The following RYR1 variants were observed in gnomAD, a reference collection of about 807,000 sequenced individuals.
RYR1 encodes central core disease of muscle.
In RYR1, 342 loss-of-function variants were observed where a neutral mutation model predicts 583.5. The observed-to-expected ratio is 0.59, with a 90% CI of 0.54 to 0.64. The LOEUF (loss-of-function observed/expected upper bound fraction) is 0.64. Ranked by LOEUF, RYR1 falls within the 30% of genes least tolerant of loss-of-function variation. The pLI, the probability that RYR1 is intolerant of heterozygous loss-of-function variation, is 0.00. For missense variants in RYR1, 6,032 were observed against 6,917.2 expected (o/e 0.87, Z 4.54); for synonymous variants, 2,791 against 2,822.5 (o/e 0.99, Z 0.35).
At position 38,452,765 on chromosome 19, in the gene RYR1, C is replaced by G. The variant is rs1393705624; in HGVS notation, c.1245-54C>G. ...TGCGGGAGTGAGGTTGCGGCAGTGA[C>G]GTTGCGGCAGTTAGCGCTCCCAGCC... On this transcript the variant is annotated intron_variant, in intron 12 of 105. Coordinates refer to ENST00000359596, the MANE Select transcript of RYR1 (RefSeq NM_000540.3). 5 of 1,496,634 alleles carry G rather than the reference C, an allele frequency of 3.3e-6. No individual in the cohort carries two copies. The East Asian group carries it at 7.4e-5, about 22-fold the overall frequency. 92.7% of individuals were successfully genotyped at this position (1,496,634 alleles called of 1,614,324 possible). A position where few individuals can be genotyped will look rare whatever the true frequency, so the allele number is the denominator to read the frequency against.
chr19:38,467,856 C>G (rs774712212), intron 25 of RYR1, 44 bp downstream of exon 25: 1 of 1,588,440 alleles, frequency 6.3e-7, no homozygotes, highest in East Asian at 2.2e-5. Context: ...CCTGTGGTCT[C>G]TCCCACAGCT....
chr19:38,578,710 G>T (rs1974067106), intron 99 of RYR1, among the ~76,000 whole-genome samples: 1 of 152,136 alleles, frequency 6.6e-6, no homozygotes, highest in South Asian at 2.1e-4. Context: ...AGAATGGCTT[G>T]AATCCAGGAG....
chr19:38,567,468 A>G (rs1188968412), intron 92 of RYR1, among the ~76,000 whole-genome samples: 1 of 152,112 alleles, frequency 6.6e-6, no homozygotes, highest in East Asian at 1.9e-4. Flanking sequence ...ATTCTCCAGG[A>G]CACCTGACCC....
rs1307683794 is a variant in RYR1, at chr19:38,519,154, G to A, written c.10019-60G>A. ...GCTGTTTGGGAGTCGGGCTGGGAACGGAGTTTGGGGCCTGTGTCAGAGGCC... is the reference window on the plus strand; with the variant it reads ...GCTGTTTGGGAGTCGGGCTGGGAACAGAGTTTGGGGCCTGTGTCAGAGGCC... On this transcript the variant is annotated intron_variant, in intron 66 of 105. Transcript: ENST00000359596. 4.7e-5 allele frequency: 76 copies of A among 1,612,838 alleles called. 1 individual carries two copies. The Middle Eastern group carries it at 6.6e-4, about 14-fold the overall frequency.
Position 38,528,618 on chromosome 19 carries a change from T to A in RYR1, c.10957T>A (p.Phe3653Ile). Residue 3653 changes from phenylalanine to isoleucine, a missense_variant, in exon 75 of 106, where the codon TTC (phenylalanine) becomes ATC (isoleucine). By Grantham distance (21) the Phe-to-Ile change is conservative. This residue lies in a region of RYR1 where 1,493 missense variants were observed against 1,715.5 expected (regional missense o/e 0.87). Transcript: ENST00000359596. ...NLPTHRACNM[F>I]LESYKAAWIL... ...CTGCAGGCACCGGGCATGTAACATGTTCCTGGAGAGCTACAAGGCTGCATG... is the reference window on the plus strand; with the variant it reads ...CTGCAGGCACCGGGCATGTAACATGATCCTGGAGAGCTACAAGGCTGCATG... The A allele has an allele frequency of 1.2e-6, 2 of 1,614,150 alleles. No individual in the cohort carries two copies. Among genetic ancestry groups the A allele is most frequent in the African/African-American group, 1.3e-5 (1 of 75,030 alleles).
intron 60 of RYR1, 117 bp downstream of exon 60, chr19:38,510,898 C>T (rs1162420149): frequency 4.1e-6 from 6 of 1,461,210 alleles, no homozygotes; most frequent in South Asian, 2.4e-5. Flanking sequence ...CCTGCAAAGG[C>T]GATTGAAGGG....
rs1969816019 is a variant in RYR1 at position 38,496,223 on chromosome 19, T to C, written c.6557T>C (p.Met2186Thr). The C allele has an allele frequency of 1.2e-6, 2 of 1,613,522 alleles. No homozygotes were observed. Among genetic ancestry groups the C allele is most frequent in the South Asian group, 2.2e-5 (2 of 91,082 alleles). Residue 2186 changes from methionine (M) to threonine (T), a missense_variant, in exon 40 of 106, where the codon ATG (methionine) becomes ACG (threonine). Transcript: ENST00000359596. This position sits in a 1 kb window ranked among gnomAD's most constrained non-coding sequence, Gnocchi z 4.8. Reference protein sequence around the residue: ...NLMIQSIGNIMNNKVFYQHPN... With the variant: ...NLMIQSIGNITNNKVFYQHPN... ...ACTCTGCCCGTGCACAGGAACATCA[T>C]GAACAACAAAGTCTTCTACCAACAC...
chr19:38,504,347 C>T lies in RYR1; in HGVS notation c.8054C>T (p.Ser2685Phe), dbSNP rs781126470. The change falls in exon 50 of 106, where the codon TCT (serine) becomes TTT (phenylalanine). Residue 2685 changes from serine (S) to phenylalanine (F), a missense_variant. Physicochemically the swap from Ser to Phe is radical, Grantham distance 155 (BLOSUM62 -2). Transcript: ENST00000359596. Reference protein sequence around the residue: ...TRKLFWGIFDSLAHKKYDPEL... With the variant: ...TRKLFWGIFDFLAHKKYDPEL... Reference sequence around the variant, plus strand: ...AAACTCTTCTGGGGCATCTTTGACTCTCTGGCCCATAAGGTCTGGGCAGCA... The same window carrying T: ...AAACTCTTCTGGGGCATCTTTGACTTTCTGGCCCATAAGGTCTGGGCAGCA... 2.5e-6 allele frequency: 4 copies of T among 1,614,148 alleles called. No individual in the cohort carries two copies. Among genetic ancestry groups the T allele is most frequent in the South Asian group, 1.1e-5 (1 of 91,074 alleles).
At chr19:38,502,828 C>T (rs907621960) in intron 48 of RYR1, 52 bp from the exon 49 acceptor site, 12 of 1,535,384 alleles carry the variant, frequency 7.8e-6, no homozygotes, top group South Asian at 3.6e-5. Flanking sequence ...GGGGCAGGGG[C>T]AGCAGAGCGG....
chr19:38,520,672 G>GC (rs1971185518), intron 67 of RYR1, among the ~76,000 whole-genome samples: 1 of 116,234 alleles, frequency 8.6e-6, no homozygotes, highest in Non-Finnish European at 1.6e-5. Flanking sequence ...TCCAGCCTAG[G>GC]AACAGAGCGA....
Position 38,496,660 on chromosome 19 carries a change from CT to C in RYR1, c.6796+120del, listed in dbSNP as rs1421558948. 2.2e-6 allele frequency: 3 copies of C among 1,357,688 alleles called. No homozygotes were observed. In the Admixed American group the frequency reaches 5.4e-5, roughly 24 times the overall value. 84.1% of individuals were successfully genotyped at this position (1,357,688 alleles called of 1,614,324 possible). On this transcript the variant is annotated intron_variant, in intron 41 of 105. Coordinates refer to ENST00000359596, the MANE Select transcript of RYR1 (RefSeq NM_000540.3). This position sits in a 1 kb window ranked among gnomAD's most constrained non-coding sequence, Gnocchi z 4.8. ...CAAACACTCCCTCTCAACTGTGGTTCTGGCCCTGTAATGAGTAATGCTGGGG... is the reference window on the plus strand; with the variant it reads ...CAAACACTCCCTCTCAACTGTGGTTCGGCCCTGTAATGAGTAATGCTGGGG...
Position 38,468,958 on chromosome 19 carries a change from C to A in RYR1, c.3382-8C>A. The A allele has an allele frequency of 1.2e-6, 2 of 1,614,094 alleles. No homozygotes were observed. The highest frequency in any genetic ancestry group is 1.7e-6 in the Non-Finnish European group (2 of 1,180,004). ...CCCACACCATGTCTTCTCTGGCTGT[C>A]CTCACAGGGCCAGCGCTGGCACTTG... On this transcript the variant is annotated splice_region_variant and splice_polypyrimidine_tract_variant and intron_variant, in intron 25 of 105. Coordinates refer to ENST00000359596, the MANE Select transcript of RYR1 (RefSeq NM_000540.3).
At chr19:38,469,936 A>G (rs938665400) in intron 27 of RYR1, among the ~76,000 whole-genome samples, 1 of 152,074 alleles carries the variant, frequency 6.6e-6, no homozygotes, top group African/African-American at 2.4e-5. Flanking sequence ...CAAGGTGTGT[A>G]GTATGCACAT....
chr19:38,562,219 A>G (rs888424746), intron 90 of RYR1, among the ~76,000 whole-genome samples: 2 of 151,570 alleles, frequency 1.3e-5, no homozygotes, highest in Admixed American at 1.3e-4. Flanking sequence ...CCTCAGACCT[A>G]CTCTCTAATC....
At chr19:38,492,695 G>T in intron 38 of RYR1, 59 bp downstream of exon 38, 1 of 1,530,426 alleles carries the variant, frequency 6.5e-7, no homozygotes, top group African/African-American at 1.4e-5. Context: ...CCATGCCTGC[G>T]GAGCCTCTGG....
chr19:38,502,901 G>A lies in RYR1; in HGVS notation c.7857G>A (p.Leu2619=), dbSNP rs547048377. 14 of 1,611,710 alleles carry A rather than the reference G, an allele frequency of 8.7e-6. No individual in the cohort carries two copies. The highest frequency in any genetic ancestry group is 6.7e-5 in the East Asian group (3 of 44,864). ...GCAGGTACATCCGCCCGTCGATGCT[G>A]CAGCACCTGTTGCGCCGCCTGGTGT... ...SLCRYIRPSM[L]QHLLRRLVFD... is the part of the protein sequence containing the mutation. The change falls in exon 49 of 106, where the codon CTG becomes CTA. Residue 2619 remains leucine, a synonymous_variant. Transcript: ENST00000359596.
Position 38,444,708 on chromosome 19 carries a change from GAT to G in RYR1, c.631+32_631+33del. 6.7e-7 allele frequency: 1 copy of G among 1,499,944 alleles called. No homozygotes were observed. The highest frequency in any genetic ancestry group is 9.0e-7 in the Non-Finnish European group (1 of 1,105,878). The allele number at this position is 1,499,944 out of a possible 1,614,324, so 92.9% of individuals were successfully genotyped here. A position where few individuals can be genotyped will look rare whatever the true frequency, so the allele number is the denominator to read the frequency against. ...GGCCCCAGACCTCCCCCTAAATGGA[GAT>G]CCCCCCAAAACAGACCCTTAATGTT... On this transcript the variant is annotated intron_variant, in intron 7 of 105. Transcript: ENST00000359596. The surrounding 1 kb of genome is among the most constrained non-coding windows in gnomAD (Gnocchi z 5.1).
rs1974465059 is a variant in RYR1, at chr19:38,585,925, C to T, written c.14804-13C>T. The T allele has an allele frequency of 6.2e-7, 1 of 1,613,844 alleles. No homozygotes were observed. The highest frequency in any genetic ancestry group is 8.5e-7 in the Non-Finnish European group (1 of 1,180,012). ...TCAGAGGTCGGGCACTGACTTGTGT[C>T]CTGCCACCCCAGGTCTGATCATCGA... On this transcript the variant is annotated splice_polypyrimidine_tract_variant and intron_variant, in intron 102 of 105. Transcript: ENST00000359596.
intron 12 of RYR1, 26 bp downstream of exon 12, chr19:38,451,911 G>A: frequency 3.7e-6 from 6 of 1,613,908 alleles, no homozygotes; most frequent in Non-Finnish European, 5.1e-6. Flanking sequence ...TCCCTGCTGG[G>A]GTGACTCCTG....
Sources: allele counts gnomAD v4.1 joint callset (sites outside exome capture counted in the v4.1 genomes callset), GRCh38; gene constraint gnomAD v4.1.1; regional missense constraint gnomAD v4.1.1; non-coding constraint Gnocchi (gnomAD v3.1); transcripts MANE v1.5; gene names NCBI Gene and HGNC (gene_info 2026-07-23, HGNC 2026-07-21).